The following PEMT variants were observed in gnomAD, a reference collection of about 807,000 sequenced individuals.
PEMT encodes the protein phospholipid methyltransferase.
Under a neutral mutation model 27.4 loss-of-function variants are expected in PEMT, and 23 were observed. That is an observed-to-expected ratio of 0.84 (90% CI 0.60 to 1.19). The LOEUF is 1.19. Among genes scored for constraint, PEMT ranks in the 50% most tolerant of loss-of-function variants. The pLI, the probability that PEMT is intolerant of heterozygous loss-of-function variation, is 0.00. For synonymous variants in PEMT, 137 were observed against 139.1 expected (o/e 0.98, Z 0.11); for missense variants, 307 against 310.1 (o/e 0.99, Z 0.07).
chr17:17,539,326 C>T (rs1908714270), intron 2 of PEMT, among the ~76,000 whole-genome samples: 1 of 152,138 alleles, frequency 6.6e-6, no homozygotes, highest in Admixed American at 6.5e-5. Context: ...CACATCAGGA[C>T]ACAGCACTTC....
intron 2 of PEMT, among the ~76,000 whole-genome samples, chr17:17,556,109 G>T (rs980430305): frequency 9.2e-5 from 14 of 152,226 alleles, no homozygotes; most frequent in Non-Finnish European, 1.8e-4. Context: ...CTGGATGGAC[G>T]CCAGAGAGTC....
At chr17:17,539,769 G>C (rs2142594048) in intron 2 of PEMT, among the ~76,000 whole-genome samples, 1 of 152,336 alleles carries the variant, frequency 6.6e-6, no homozygotes, top group African/African-American at 2.4e-5. Context: ...CCCTGCAGCT[G>C]AGAAGTATCA....
At chr17:17,558,061 G>C (rs1054390601) in intron 2 of PEMT, among the ~76,000 whole-genome samples, 19 of 152,200 alleles carry the variant, frequency 1.2e-4, no homozygotes, top group African/African-American at 4.1e-4. Flanking sequence ...GGCAGTGGAG[G>C]CTGGGCACAG....
In PEMT at chr17:17,568,276, C is replaced by T. The variant is rs192557693; in HGVS notation, c.204+8644G>A. Among the ~76,000 whole-genome samples the T allele has an allele frequency of 1.7e-3, 259 of 152,376 alleles. 1 individual carries two copies. Among genetic ancestry groups the T allele is most frequent in the Middle Eastern group, 6.8e-3 (2 of 294 alleles). On this transcript the variant is annotated intron_variant, in intron 2 of 6. Coordinates refer to ENST00000255389, the MANE Select transcript of PEMT (RefSeq NM_148172.3). ...TGCTGCCCTGCCTATGGCCCACCAT[C>T]ACCTCCTCCAGCCCCCACGACCCTG...
At chr17:17,515,685 G>T (rs1158222517) in intron 3 of PEMT, among the ~76,000 whole-genome samples, 2 of 152,172 alleles carry the variant, frequency 1.3e-5, no homozygotes, top group African/African-American at 2.4e-5. Flanking sequence ...CCTCCATTAA[G>T]CCAGGAAAGC....
intron 4 of PEMT, among the ~76,000 whole-genome samples, chr17:17,511,644 T>G (rs1906403861): frequency 6.6e-6 from 1 of 152,208 alleles, no homozygotes; most frequent in Non-Finnish European, 1.5e-5. Flanking sequence ...CCAGGGCTGA[T>G]GGGGAGGAAG....
chr17:17,553,685 C>T (rs1302068306), intron 2 of PEMT, among the ~76,000 whole-genome samples: 1 of 152,242 alleles, frequency 6.6e-6, no homozygotes. Flanking sequence ...GCAGGACAGC[C>T]ACGTCCAGCA....
intron 2 of PEMT, among the ~76,000 whole-genome samples, chr17:17,543,061 G>C (rs1202207580): frequency 6.6e-6 from 1 of 152,196 alleles, no homozygotes; most frequent in Non-Finnish European, 1.5e-5. Flanking sequence ...CAGACCAGCA[G>C]CACCACCGGG....
At chr17:17,548,643 G>A (rs926622649) in intron 2 of PEMT, among the ~76,000 whole-genome samples, 6 of 152,146 alleles carry the variant, frequency 3.9e-5, no homozygotes, top group Non-Finnish European at 7.3e-5. Context: ...CTGCCTCCCA[G>A]GTTCAAGCAA....
intron 2 of PEMT, among the ~76,000 whole-genome samples, chr17:17,554,408 G>A (rs975980353): frequency 5.9e-5 from 9 of 152,224 alleles, no homozygotes; most frequent in Admixed American, 1.3e-4. Context: ...GTGGCCCTCC[G>A]TGCACGGCAA....
chr17:17,568,893 C>CGCCAACTACCGTCTG (rs1242030141), intron 2 of PEMT, among the ~76,000 whole-genome samples: 7 of 152,166 alleles, frequency 4.6e-5, no homozygotes, highest in Non-Finnish European at 8.8e-5. Flanking sequence ...TTGCCCACAG[C>CGCCAACTACCGTCTG]GCCACCTACC....
At chr17:17,573,972 G>A (rs1474303863) in intron 2 of PEMT, among the ~76,000 whole-genome samples, 1 of 151,876 alleles carries the variant, frequency 6.6e-6, no homozygotes. Context: ...TGTAGTGGCA[G>A]GGTTTTGCCA....
chr17:17,548,477 C>T (rs551375124), intron 2 of PEMT, among the ~76,000 whole-genome samples: 105 of 152,344 alleles, frequency 6.9e-4, no homozygotes, highest in Non-Finnish European at 1.1e-3. Flanking sequence ...GACCCAGAAG[C>T]TCCTCGAGGC....
intron 2 of PEMT, among the ~76,000 whole-genome samples, chr17:17,568,722 T>G (rs1346779971): frequency 2.6e-5 from 4 of 152,098 alleles, no homozygotes; most frequent in Admixed American, 2.6e-4. Context: ...AAATGGAAAC[T>G]GAGGCAGCAG....
intron 2 of PEMT, among the ~76,000 whole-genome samples, chr17:17,531,607 T>C (rs1466354940): frequency 1.0e-5 from 1 of 98,848 alleles, no homozygotes. Context: ...ACTGGAACAA[T>C]TGGCTATCAT....
chr17:17,581,577 C>T (rs763220260), intron 1 of PEMT, among the ~76,000 whole-genome samples: 12 of 152,124 alleles, frequency 7.9e-5, no homozygotes, highest in African/African-American at 2.2e-4. Flanking sequence ...AGATGAAGGA[C>T]GGAAACTGAG....
intron 2 of PEMT, among the ~76,000 whole-genome samples, chr17:17,535,024 C>T (rs1908359815): frequency 6.6e-6 from 1 of 151,932 alleles, no homozygotes; most frequent in Non-Finnish European, 1.5e-5. Flanking sequence ...AATTCTCCTG[C>T]CTCAGCCTCC....
chr17:17,582,585 C>A lies in PEMT; in HGVS notation c.97-5558G>T, dbSNP rs1049396172. Among the ~76,000 whole-genome samples the A allele has an allele frequency of 6.6e-6, 1 of 152,204 alleles. No individual in the cohort carries two copies. The highest frequency in any genetic ancestry group is 1.5e-5 in the Non-Finnish European group (1 of 68,028). ...GCTGCTGGAGAGGGGACAGGTCCTCCTGGGATCCATCACCCCTGCAGAATC... is the reference window on the plus strand; with the variant it reads ...GCTGCTGGAGAGGGGACAGGTCCTCATGGGATCCATCACCCCTGCAGAATC... On this transcript the variant is annotated intron_variant, in intron 1 of 6. Coordinates refer to ENST00000255389, the MANE Select transcript of PEMT (RefSeq NM_148172.3). The surrounding 1 kb of genome is among the most constrained non-coding windows in gnomAD (Gnocchi z 4.9).
intron 3 of PEMT, among the ~76,000 whole-genome samples, chr17:17,517,162 C>T (rs1322504432): frequency 6.6e-6 from 1 of 152,218 alleles, no homozygotes; most frequent in African/African-American, 2.4e-5. Context: ...TCACACCCAG[C>T]AGGCACCTTG....
Sources: allele counts gnomAD v4.1 joint callset (sites outside exome capture counted in the v4.1 genomes callset), GRCh38; gene constraint gnomAD v4.1.1; non-coding constraint Gnocchi (gnomAD v3.1); transcripts MANE v1.5; gene names NCBI Gene and HGNC (gene_info 2026-07-23, HGNC 2026-07-21).